Variants in YIPF7 observed in about 807,000 individuals in gnomAD.
The protein encoded by YIPF7 is protein YIPF7.
YIPF7 carries 35 observed loss-of-function variants against 27.2 expected under a neutral mutation model. That is an observed-to-expected ratio of 1.29 (90% CI 0.98 to 1.70). The LOEUF is 1.70. Among genes scored for constraint, YIPF7 ranks in the 40% most tolerant of loss-of-function variants. The probability of loss-of-function intolerance (pLI) is 0.00; values close to 1 mark genes in which losing one functional copy is unlikely to be tolerated. For synonymous variants in YIPF7, 137 were observed against 110.4 expected (o/e 1.24, Z -1.51); for missense variants, 358 against 303.7 (o/e 1.18, Z -1.33).
intron 4 of YIPF7, 59 bp from the exon 5 acceptor site, chr4:44,624,841 G>A (rs1712575525): frequency 6.8e-7 from 1 of 1,463,522 alleles, no homozygotes; most frequent in African/African-American, 1.4e-5. Context: ...GAGGAAATCT[G>A]AATATCATGA....
At position 44,636,007 on chromosome 4, in the gene YIPF7, T is replaced by C. The variant is rs1433310579; in HGVS notation, c.195A>G (p.Gln65=). 5.0e-6 allele frequency: 8 copies of C among 1,613,734 alleles called. No individual in the cohort carries two copies. Among genetic ancestry groups the C allele is most frequent in the Non-Finnish European group, 6.8e-6 (8 of 1,179,806 alleles). The change falls in exon 3 of 6, where the codon CAA becomes CAG. Residue 65 remains glutamine (Q), a synonymous_variant. Transcript: ENST00000415895. ...CTGAGTTGGATGCTGGCTGAAAAAA[T>C]TGTCCTGCGTAACCCGATGACATGA... The part of the protein sequence containing the change: ...EMLMSSGYAG[Q]FFQPASNSDY...
chr4:44,635,159 C>T (rs890145381), intron 3 of YIPF7, among the ~76,000 whole-genome samples: 1 of 152,112 alleles, frequency 6.6e-6, no homozygotes, highest in Non-Finnish European at 1.5e-5. Flanking sequence ...AGTAGTTAAC[C>T]AGTGACTATT....
At chr4:44,632,471 C>T (rs1036223140) in intron 3 of YIPF7, among the ~76,000 whole-genome samples, 1 of 152,098 alleles carries the variant, frequency 6.6e-6, no homozygotes, top group Admixed American at 6.5e-5. Flanking sequence ...TATTATTATT[C>T]TTGAAAATGC....
chr4:44,636,936 A>G (rs1289690460), intron 2 of YIPF7, among the ~76,000 whole-genome samples: 1 of 152,184 alleles, frequency 6.6e-6, no homozygotes, highest in African/African-American at 2.4e-5. Flanking sequence ...TCAATTGCCA[A>G]TGATTCTACT....
At chr4:44,632,735 A>T (rs1319018455) in intron 3 of YIPF7, among the ~76,000 whole-genome samples, 1 of 152,156 alleles carries the variant, frequency 6.6e-6, no homozygotes, top group Non-Finnish European at 1.5e-5. Flanking sequence ...AAAAAGACAT[A>T]CCCTGGCCTT....
At chr4:44,658,745 C>G (rs981229606) in intron 2 of YIPF7, among the ~76,000 whole-genome samples, 1 of 152,130 alleles carries the variant, frequency 6.6e-6, no homozygotes. Context: ...GTGAGAGGCA[C>G]ATTTTACATG....
intron 2 of YIPF7, among the ~76,000 whole-genome samples, chr4:44,647,994 T>G (rs1713587328): frequency 6.6e-6 from 1 of 152,140 alleles, no homozygotes; most frequent in Non-Finnish European, 1.5e-5. Flanking sequence ...CCCAACATTA[T>G]TATAATAGCA....
At chr4:44,654,535 G>T (rs572505389), upstream of YIPF7, among the ~76,000 whole-genome samples, 38 of 151,226 alleles carry the variant, frequency 2.5e-4, no homozygotes, top group Non-Finnish European at 2.2e-4. Context: ...TATTCCCATG[G>T]CTTTATATAT....
upstream of YIPF7, among the ~76,000 whole-genome samples, chr4:44,654,791 AC>A (rs1238402023): frequency 6.6e-6 from 1 of 151,948 alleles, no homozygotes; most frequent in Non-Finnish European, 1.5e-5. Context: ...TATATCTCTC[AC>A]TAACCAATTT....
chr4:44,622,453 G>C lies in YIPF7; in HGVS notation c.732C>G (p.Ala244=). 6.2e-7 allele frequency: 1 copy of C among 1,613,662 alleles called. No homozygotes were observed. The highest frequency in any genetic ancestry group is 8.5e-7 in the Non-Finnish European group (1 of 1,179,736). ...GGAGGGCAAAAAGTCCATAAAGTAT[G>C]GCACAAGGGTAGGCAACAAGAAGCT... ...GQQLLVAYPC[A]ILYGLFALLT... The change falls in exon 6 of 6, where the codon GCC becomes GCG. Residue 244 remains alanine, a synonymous_variant. Transcript: ENST00000415895.
chr4:44,649,956 A>AG (rs745860992), intron 2 of YIPF7, 29 bp downstream of exon 2: 1 of 1,288,694 alleles, frequency 7.8e-7, no homozygotes, highest in Admixed American at 2.7e-5. Context: ...TCTGTCAAAA[A>AG]AAAAAAAAGA....
intron 3 of YIPF7, among the ~76,000 whole-genome samples, chr4:44,630,602 A>G (rs935772068): frequency 6.6e-6 from 1 of 152,210 alleles, no homozygotes; most frequent in Non-Finnish European, 1.5e-5. Flanking sequence ...TTCAAATAAA[A>G]TATCCAAAAT....
intron 1 of YIPF7, among the ~76,000 whole-genome samples, chr4:44,650,637 C>T (rs1399817614): frequency 1.3e-5 from 2 of 152,146 alleles, no homozygotes; most frequent in African/African-American, 4.8e-5. Flanking sequence ...CTTGGCAATT[C>T]TTAAAAAGTG....
intron 5 of YIPF7, 24 bp downstream of exon 5, chr4:44,624,577 C>A: frequency 5.2e-6 from 8 of 1,547,710 alleles, no homozygotes; most frequent in Non-Finnish European, 7.0e-6. Flanking sequence ...CATGTGGGGT[C>A]ATTGAGAGCA....
intron 3 of YIPF7, among the ~76,000 whole-genome samples, chr4:44,631,550 G>T (rs1298231678): frequency 6.6e-6 from 1 of 151,786 alleles, no homozygotes; most frequent in Non-Finnish European, 1.5e-5. Context: ...AAAAAATAAA[G>T]TTCTACTCAT....
chr4:44,629,268 G>T, intron 4 of YIPF7, 135 bp downstream of exon 4: 1 of 1,146,398 alleles, frequency 8.7e-7, no homozygotes, highest in Non-Finnish European at 1.1e-6. Flanking sequence ...TGTCACTATG[G>T]TTAAATTATT....
At chr4:44,637,446 G>A (rs1210647043) in intron 2 of YIPF7, among the ~76,000 whole-genome samples, 1 of 152,032 alleles carries the variant, frequency 6.6e-6, no homozygotes, top group Non-Finnish European at 1.5e-5. Context: ...TTCTGACTGG[G>A]GGAAGATGAT....
upstream of YIPF7, among the ~76,000 whole-genome samples, chr4:44,654,392 G>A (rs575141221): frequency 7.9e-5 from 12 of 152,000 alleles, no homozygotes; most frequent in South Asian, 2.1e-4. Flanking sequence ...TAAAAAAGCC[G>A]TGTGTTCTAC....
At chr4:44,641,690 T>G (rs1713331200) in intron 2 of YIPF7, among the ~76,000 whole-genome samples, 1 of 152,192 alleles carries the variant, frequency 6.6e-6, no homozygotes, top group African/African-American at 2.4e-5. Flanking sequence ...TGAGTAAGCC[T>G]GACCAAGAGA....
Sources: gnomAD v4.1 joint callset for allele counts (sites outside exome capture counted in the v4.1 genomes callset) on GRCh38, gnomAD v4.1.1 for gene constraint, MANE v1.5 for transcripts, NCBI Gene and HGNC (gene_info 2026-07-23, HGNC 2026-07-21) for gene names.